The following WWP2 variants were observed in gnomAD, a reference collection of about 807,000 sequenced individuals.
WWP2 encodes NEDD4-like E3 ubiquitin-protein ligase WWP2.
WWP2 carries 57 observed loss-of-function variants against 121.0 expected under a neutral mutation model. The ratio of observed to expected loss-of-function variants is 0.47; its 90% CI spans 0.38 to 0.59. The LOEUF is 0.59. WWP2 is among the 20% of genes least tolerant of loss of function. The pLI, the probability that WWP2 is intolerant of heterozygous loss-of-function variation, is 0.00. For synonymous variants in WWP2, 449 were observed against 441.3 expected (o/e 1.02, Z -0.22); for missense variants, 962 against 1,158.9 (o/e 0.83, Z 2.47).
intron 4 of WWP2, among the ~76,000 whole-genome samples, chr16:69,831,853 C>T (rs1357700339): frequency 1.8e-5 from 2 of 112,490 alleles, no homozygotes; most frequent in East Asian, 5.4e-4. Context: ...TTTTTTGAGA[C>T]AGTGTCACTC....
intron 16 of WWP2, among the ~76,000 whole-genome samples, chr16:69,932,247 T>C (rs10048129): frequency 0.81 from 122,626 of 152,282 alleles, 49,883 homozygotes; most frequent in East Asian, 0.96. Flanking sequence ...GAGAATCGCT[T>C]GAACCTGGGA....
chr16:69,846,368 A>C lies in WWP2; in HGVS notation c.575+4248A>C, dbSNP rs569778765. 3.3e-3 allele frequency among the ~76,000 whole-genome samples: 501 copies of C among 152,324 alleles called. 1 individual carries two copies. Among genetic ancestry groups the C allele is most frequent in the Non-Finnish European group, 5.1e-3 (344 of 68,034 alleles). On this transcript the variant is annotated intron_variant, in intron 6 of 23. Transcript: ENST00000359154. ...AGGATGTCATACGTAGAAAGTTGAA[A>C]AATGCAAAGCCAAACAATACATGTT...
At chr16:69,824,808 T>A (rs2056655636) in intron 4 of WWP2, among the ~76,000 whole-genome samples, 1 of 137,358 alleles carries the variant, frequency 7.3e-6, no homozygotes. Flanking sequence ...TTTTACTCTG[T>A]CACCCAGACT....
chr16:69,789,907 T>A (rs1011367727), intron 2 of WWP2, among the ~76,000 whole-genome samples: 3 of 152,196 alleles, frequency 2.0e-5, no homozygotes, highest in Admixed American at 1.3e-4. Flanking sequence ...CCCAAAACTT[T>A]ACTAATAGCC....
In WWP2 at chr16:69,939,080, C is replaced by A. The variant is rs140641016; in HGVS notation, c.2397C>A (p.Thr799=). The part of the protein sequence containing the change: ...EKRIRLLQFV[T]GTCRLPVGGF... ...GGATCCGGCTGCTGCAGTTTGTCACCGGTACCTGCCGCCTGCCCGTCGGGG... is the reference window on the plus strand; with the variant it reads ...GGATCCGGCTGCTGCAGTTTGTCACAGGTACCTGCCGCCTGCCCGTCGGGG... The change falls in exon 22 of 24, where the codon ACC becomes ACA. Residue 799 remains threonine, a synonymous_variant. Coordinates refer to ENST00000359154, the MANE Select transcript of WWP2 (RefSeq NM_001270454.2). 6.2e-7 allele frequency: 1 copy of A among 1,606,734 alleles called. No individual in the cohort carries two copies. The highest frequency in any genetic ancestry group is 1.1e-5 in the South Asian group (1 of 89,834).
chr16:69,770,852 G>T (rs1395396762), intron 1 of WWP2, among the ~76,000 whole-genome samples: 1 of 152,016 alleles, frequency 6.6e-6, no homozygotes, highest in Non-Finnish European at 1.5e-5. Flanking sequence ...ATTCTGTGGG[G>T]CTGGGCGTGG....
intron 6 of WWP2, among the ~76,000 whole-genome samples, chr16:69,855,933 CCTTAT>C (rs1219025825): frequency 1.3e-5 from 2 of 152,048 alleles, no homozygotes; most frequent in Admixed American, 6.6e-5. Flanking sequence ...AACGTTTTGG[CCTTAT>C]CTTGTTATTC....
intron 4 of WWP2, among the ~76,000 whole-genome samples, chr16:69,808,085 T>G (rs572508051): frequency 1.3e-5 from 2 of 152,346 alleles, no homozygotes; most frequent in African/African-American, 4.8e-5. Context: ...TTTCCCATTG[T>G]CCCTTCTAGT....
At chr16:69,841,724 G>T (rs2056981733) in intron 5 of WWP2, among the ~76,000 whole-genome samples, 1 of 152,100 alleles carries the variant, frequency 6.6e-6, no homozygotes, top group Non-Finnish European at 1.5e-5. Context: ...CGTTTTTGAG[G>T]CTCAGATTCA....
At chr16:69,822,667 T>G (rs1356746341) in intron 4 of WWP2, among the ~76,000 whole-genome samples, 2 of 152,078 alleles carry the variant, frequency 1.3e-5, no homozygotes, top group African/African-American at 2.4e-5. Flanking sequence ...AAAATCATTT[T>G]AGGTGGAGGG....
chr16:69,829,277 G>C (rs1043134447), intron 4 of WWP2, among the ~76,000 whole-genome samples: 12 of 152,082 alleles, frequency 7.9e-5, no homozygotes, highest in African/African-American at 2.9e-4. Context: ...CCTCCGGCTT[G>C]TTTTCCACAC....
At chr16:69,829,683 C>T (rs2056760885) in intron 4 of WWP2, among the ~76,000 whole-genome samples, 1 of 152,210 alleles carries the variant, frequency 6.6e-6, no homozygotes, top group Non-Finnish European at 1.5e-5. Context: ...GCTCAGGGGA[C>T]CATATGTTAA....
intron 1 of WWP2, among the ~76,000 whole-genome samples, chr16:69,778,672 C>T (rs1034093456): frequency 9.9e-5 from 15 of 152,234 alleles, no homozygotes; most frequent in Admixed American, 5.2e-4. Flanking sequence ...GACAGAGTCT[C>T]GCTCTGTTGC....
At chr16:69,780,470 G>A (rs1303919952) in intron 1 of WWP2, among the ~76,000 whole-genome samples, 3 of 152,114 alleles carry the variant, frequency 2.0e-5, no homozygotes, top group Non-Finnish European at 4.4e-5. Context: ...GTGTGTGTTG[G>A]AGAATTTCTC....
At chr16:69,790,588 G>A (rs1238907913) in intron 2 of WWP2, among the ~76,000 whole-genome samples, 1 of 151,438 alleles carries the variant, frequency 6.6e-6, no homozygotes, top group Non-Finnish European at 1.5e-5. Context: ...TTTTTTGTTT[G>A]TTTTTGAGAC....
chr16:69,840,974 C>T (rs934202651), intron 5 of WWP2, among the ~76,000 whole-genome samples: 7 of 152,226 alleles, frequency 4.6e-5, no homozygotes, highest in African/African-American at 7.2e-5. Flanking sequence ...TCTCAGTGGC[C>T]GGATGGGCCT....
intron 4 of WWP2, among the ~76,000 whole-genome samples, chr16:69,815,958 A>C (rs562263865): frequency 1.3e-5 from 2 of 152,056 alleles, no homozygotes; most frequent in African/African-American, 4.8e-5. Context: ...GGGTCTTACT[A>C]TGTTGCCCAG....
At chr16:69,878,067 C>T (rs1354418946) in intron 7 of WWP2, among the ~76,000 whole-genome samples, 1 of 152,130 alleles carries the variant, frequency 6.6e-6, no homozygotes, top group African/African-American at 2.4e-5. Context: ...CTCAGCCTCC[C>T]AAAGTGTTGG....
At chr16:69,910,974 G>A (rs1285621327) in intron 9 of WWP2, among the ~76,000 whole-genome samples, 2 of 152,210 alleles carry the variant, frequency 1.3e-5, no homozygotes, top group Middle Eastern at 3.2e-3. Context: ...AGAACTTTGA[G>A]CCTCTAGCTC....
Sources: allele counts gnomAD v4.1 joint callset (sites outside exome capture counted in the v4.1 genomes callset), GRCh38; gene constraint gnomAD v4.1.1; transcripts MANE v1.5; gene names NCBI Gene and HGNC (gene_info 2026-07-23, HGNC 2026-07-21).